POM121C: variants seen among roughly 807,000 people sequenced by gnomAD.
POM121C encodes the protein POM121 transmembrane nucleoporin C.
Under a neutral mutation model 66.4 loss-of-function variants are expected in POM121C, and 20 were observed. That is an observed-to-expected ratio of 0.30 (90% confidence interval 0.21 to 0.44). POM121C has a LOEUF of 0.44. POM121C is among the 20% of genes least tolerant of loss of function. The probability of loss-of-function intolerance (pLI) is 1.00; values close to 1 mark genes in which losing one functional copy is unlikely to be tolerated. For synonymous variants in POM121C, 286 were observed against 528.0 expected (o/e 0.54, Z 6.28); for missense variants, 580 against 1,225.7 (o/e 0.47, Z 7.87).
Position 75,446,776 on chromosome 7 carries a change from G to A in POM121C, c.-151-5129C>T, listed in dbSNP as rs1790824572. On this transcript the variant is annotated intron_variant, in intron 3 of 14. Transcript: ENST00000615331. ...TGTAATCCCAGCACTTTGGGGGGCCGAGGTGGGTGGATCATGAGGTCAGGA... is the reference window on the plus strand; with the variant it reads ...TGTAATCCCAGCACTTTGGGGGGCCAAGGTGGGTGGATCATGAGGTCAGGA... Among the ~76,000 whole-genome samples, 3 of 152,000 alleles carry A rather than the reference G, an allele frequency of 2.0e-5. No homozygotes were observed. The South Asian group carries it at 6.2e-4, about 32-fold the overall frequency.
At chr7:75,421,426 C>A (rs1177750564) in intron 13 of POM121C, 83 bp downstream of exon 13, 2 of 1,591,768 alleles carry the variant, frequency 1.3e-6, no homozygotes, top group Non-Finnish European at 1.7e-6. Context: ...ACTGCCACAG[C>A]ATAAGCTCCC....
At chr7:75,480,583 G>C (rs1447575592) in intron 1 of POM121C, among the ~76,000 whole-genome samples, 1 of 152,038 alleles carries the variant, frequency 6.6e-6, no homozygotes. Flanking sequence ...ATCCTGTTCT[G>C]AGCCATAAAT....
chr7:75,424,840 A>G (rs1789873838), intron 10 of POM121C: 4 of 1,130,900 alleles, frequency 3.5e-6, no homozygotes, highest in Admixed American at 2.7e-5. Flanking sequence ...AGCGCCTGTA[A>G]TCCCAGCTAC....
intron 3 of POM121C, among the ~76,000 whole-genome samples, chr7:75,451,856 C>T (rs1791031978): frequency 6.6e-6 from 1 of 151,762 alleles, no homozygotes; most frequent in Non-Finnish European, 1.5e-5. Context: ...CAGAAAAAAC[C>T]AATTAACCCC....
chr7:75,482,621 T>C lies in POM121C; in HGVS notation c.-458+3243A>G, dbSNP rs587688759. On this transcript the variant is annotated intron_variant, in intron 1 of 14. Coordinates refer to ENST00000615331, the MANE Select transcript of POM121C (RefSeq NM_001099415.3). ...AAGAGGATCGTGTGGGCCCGGGAGATTGAGGTTGCAGTGAGTTGTGATCAC... is the reference window on the plus strand; with the variant it reads ...AAGAGGATCGTGTGGGCCCGGGAGACTGAGGTTGCAGTGAGTTGTGATCAC... Among the ~76,000 whole-genome samples, 25 of 152,030 alleles carry C rather than the reference T, an allele frequency of 1.6e-4. 1 individual carries two copies. Among genetic ancestry groups the C allele is most frequent in the African/African-American group, 3.9e-4 (16 of 41,478 alleles).
chr7:75,428,834 G>A (rs1395999226), intron 7 of POM121C, among the ~76,000 whole-genome samples: 2 of 152,018 alleles, frequency 1.3e-5, no homozygotes, highest in Non-Finnish European at 2.9e-5. Context: ...ACAAAAATTA[G>A]CCAGGTGTGG....
chr7:75,448,261 G>T (rs1790896033), intron 3 of POM121C, among the ~76,000 whole-genome samples: 1 of 151,798 alleles, frequency 6.6e-6, no homozygotes, highest in African/African-American at 2.4e-5. Flanking sequence ...AAAGCTGAAA[G>T]AATTCATCAC....
At chr7:75,441,685 T>C in intron 3 of POM121C, 38 bp from the exon 4 acceptor site, 1 of 1,483,304 alleles carries the variant, frequency 6.7e-7, no homozygotes, top group Non-Finnish European at 9.1e-7. Flanking sequence ...AAACAAAGTA[T>C]AAAAGAATGT....
chr7:75,424,568 C>G lies in POM121C; in HGVS notation c.829G>C (p.Ala277Pro). 6.2e-7 allele frequency: 1 copy of G among 1,614,006 alleles called. No individual in the cohort carries two copies. Among genetic ancestry groups the G allele is most frequent in the East Asian group, 2.2e-5 (1 of 44,882 alleles). ...TAEDLDLEKK[A>P]SLQWFNQALE... ...GCCTGGTTGAACCACTGTAATGAAG[C>G]CTTCTTCTCTAAGTCTAGGTCCTCG... is the stretch of plus-strand genomic sequence containing the variant. Residue 277 changes from alanine to proline, a missense_variant, in exon 11 of 15, where the codon GCT becomes CCT. Physicochemically the swap from Ala to Pro is conservative, Grantham distance 27. Transcript: ENST00000615331.
chr7:75,472,669 G>A (rs1791921388), intron 3 of POM121C, among the ~76,000 whole-genome samples: 1 of 152,060 alleles, frequency 6.6e-6, no homozygotes, highest in Non-Finnish European at 1.5e-5. Flanking sequence ...GCCAGGCATG[G>A]TGGTGTGCAC....
intron 7 of POM121C, among the ~76,000 whole-genome samples, chr7:75,430,067 AATATT>A (rs1468742821): frequency 6.6e-6 from 1 of 152,234 alleles, no homozygotes; most frequent in Non-Finnish European, 1.5e-5. Flanking sequence ...AAACAAGGTC[AATATT>A]ATAACAATGT....
intron 3 of POM121C, among the ~76,000 whole-genome samples, chr7:75,450,285 T>G (rs1790978561): frequency 6.6e-6 from 1 of 151,336 alleles, no homozygotes. Flanking sequence ...TGGGGAGAAT[T>G]CCTCTGAGAA....
chr7:75,461,364 G>A (rs1191544214), intron 3 of POM121C, among the ~76,000 whole-genome samples: 3 of 152,114 alleles, frequency 2.0e-5, no homozygotes, highest in African/African-American at 7.3e-5. Flanking sequence ...TAACAGCAGG[G>A]TACACATTCT....
chr7:75,483,647 G>T (rs1359978791), intron 1 of POM121C, among the ~76,000 whole-genome samples: 1 of 152,164 alleles, frequency 6.6e-6, no homozygotes, highest in African/African-American at 2.4e-5. Flanking sequence ...TTTTCCTTTT[G>T]TGATGACTGC....
intron 3 of POM121C, among the ~76,000 whole-genome samples, chr7:75,468,270 C>T (rs1554478148): frequency 6.6e-6 from 1 of 150,724 alleles, no homozygotes; most frequent in East Asian, 1.9e-4. Context: ...TATCTCATCC[C>T]GTTTCTTAAG....
chr7:75,439,161 G>A lies in POM121C; in HGVS notation c.291C>T (p.Pro97=), dbSNP rs587689353. The A allele has an allele frequency of 8.7e-6, 14 of 1,614,210 alleles. No individual in the cohort carries two copies. The highest frequency in any genetic ancestry group is 1.6e-4 in the Middle Eastern group (1 of 6,062). Residue 97 remains proline (P), a synonymous_variant, in exon 6 of 15, where the codon CCC becomes CCT. Transcript: ENST00000615331. ...GCACTTACTTAGGCACAAAAGAAGCGGGGACTCCACTGGCCACCAGGGGCT... is the reference window on the plus strand; with the variant it reads ...GCACTTACTTAGGCACAAAAGAAGCAGGGACTCCACTGGCCACCAGGGGCT... The part of the protein sequence containing the change: ...AFEPLVASGV[P]ASFVPKPGSL...
intron 7 of POM121C, among the ~76,000 whole-genome samples, chr7:75,429,691 C>A (rs1790093331): frequency 6.6e-6 from 1 of 151,486 alleles, no homozygotes; most frequent in Admixed American, 6.6e-5. Flanking sequence ...AGTAAAACTT[C>A]TACAGAGATG....
At chr7:75,453,520 T>G (rs181955991) in intron 3 of POM121C, among the ~76,000 whole-genome samples, 2 of 150,070 alleles carry the variant, frequency 1.3e-5, no homozygotes, top group Admixed American at 1.3e-4. Context: ...AGGCAGAGGT[T>G]GTGGTGAGCC....
chr7:75,485,566 A>T (rs1393070039), intron 1 of POM121C, among the ~76,000 whole-genome samples: 1 of 152,140 alleles, frequency 6.6e-6, no homozygotes, highest in Non-Finnish European at 1.5e-5. Flanking sequence ...GGACGTTTAG[A>T]GGCGGTCGAA....
Sources: allele counts gnomAD v4.1 joint callset (sites outside exome capture counted in the v4.1 genomes callset), GRCh38; gene constraint gnomAD v4.1.1; transcripts MANE v1.5; gene names NCBI Gene and HGNC (gene_info 2026-07-23, HGNC 2026-07-21).